Variants in BRWD3 observed in about 807,000 individuals in gnomAD.
BRWD3 encodes the protein bromodomain and WD repeat domain containing 3.
BRWD3 carries 10 observed loss-of-function variants against 149.7 expected under a neutral mutation model. That is an observed-to-expected ratio of 0.07 (90% CI 0.04 to 0.11). The LOEUF is 0.11. BRWD3 is among the 10% of genes least tolerant of loss of function. BRWD3 has a pLI of 1.00. For missense variants in BRWD3, 940 were observed against 1,373.2 expected, an observed-to-expected ratio of 0.68 and a Z score of 4.99; for synonymous variants, 504 against 456.7, an observed-to-expected ratio of 1.10 and a Z score of -1.32.
intron 6 of BRWD3, among the ~76,000 whole-genome samples, 161 bp downstream of exon 6, chrX:80,791,693 A>C (rs2074183829): frequency 8.9e-6 from 1 of 112,477 alleles, no homozygotes; most frequent in Admixed American, 9.5e-5. Context: ...TGCTTTAAGT[A>C]AAAATGTTTT....
At chrX:80,713,047 G>A (rs1348808809) in intron 20 of BRWD3, among the ~76,000 whole-genome samples, 2 of 108,559 alleles carry the variant, frequency 1.8e-5, no homozygotes, top group African/African-American at 6.8e-5. Flanking sequence ...CCGGCCAGCT[G>A]CCCCGTCTGG....
chrX:80,712,835 G>C (rs2073003598), intron 20 of BRWD3, among the ~76,000 whole-genome samples: 1 of 105,800 alleles, frequency 9.5e-6, no homozygotes, highest in East Asian at 3.1e-4. Context: ...TCTCTGCCCA[G>C]CCGCCCCGTC....
intron 8 of BRWD3, among the ~76,000 whole-genome samples, chrX:80,737,625 G>C (rs1034972443): frequency 9.0e-5 from 10 of 111,631 alleles, no homozygotes; most frequent in African/African-American, 3.3e-4. Context: ...ACCTGAGGTC[G>C]GGAGTTCGAA....
chrX:80,797,312 G>C (rs939059917), intron 4 of BRWD3, among the ~76,000 whole-genome samples: 3 of 111,438 alleles, frequency 2.7e-5, no homozygotes, highest in Admixed American at 1.9e-4. Context: ...ACATAGAGTA[G>C]TAGTTGACAT....
At chrX:80,767,093 A>T (rs749099024) in intron 6 of BRWD3, among the ~76,000 whole-genome samples, 37 of 112,483 alleles carry the variant, frequency 3.3e-4, no homozygotes, top group Non-Finnish European at 6.2e-4. Flanking sequence ...TTAAGTAGGT[A>T]AACAAAGCCA....
chrX:80,703,701 C>T, intron 23 of BRWD3, 108 bp from the exon 24 acceptor site: 1 of 552,375 alleles, frequency 1.8e-6, no homozygotes, highest in Non-Finnish European at 2.9e-6. Flanking sequence ...TTAAAAATTT[C>T]AGGTTACAAT....
chrX:80,739,498 A>T (rs961120522), intron 8 of BRWD3, among the ~76,000 whole-genome samples: 1 of 111,918 alleles, frequency 8.9e-6, no homozygotes, highest in African/African-American at 3.2e-5. Context: ...CCATGAGATG[A>T]CTAAGAGAAA....
chrX:80,765,644 C>A (rs753062041), intron 6 of BRWD3, among the ~76,000 whole-genome samples: 8 of 111,406 alleles, frequency 7.2e-5, no homozygotes, highest in Non-Finnish European at 1.1e-4. Flanking sequence ...AAAACAGTTT[C>A]TTTGCTTTCC....
chrX:80,761,186 G>C (rs759496902), intron 6 of BRWD3, among the ~76,000 whole-genome samples: 13 of 111,945 alleles, frequency 1.2e-4, no homozygotes, highest in Admixed American at 2.8e-4. Context: ...TTATACTAAC[G>C]ATACTTTATT....
At chrX:80,687,622 T>C (rs1231525813) in intron 34 of BRWD3, among the ~76,000 whole-genome samples, 2 of 111,004 alleles carry the variant, frequency 1.8e-5, no homozygotes, top group Non-Finnish European at 3.8e-5. Flanking sequence ...TCCTAAATTA[T>C]TAAGACAGTT....
chrX:80,781,254 G>T (rs1242281371), intron 6 of BRWD3, among the ~76,000 whole-genome samples: 1 of 111,473 alleles, frequency 9.0e-6, no homozygotes, highest in South Asian at 3.8e-4. Flanking sequence ...TTGCTGGCTC[G>T]AATGCCTGGG....
At chrX:80,706,042 T>G (rs1236393445) in intron 22 of BRWD3, among the ~76,000 whole-genome samples, 1 of 112,622 alleles carries the variant, frequency 8.9e-6, no homozygotes, top group East Asian at 2.8e-4. Context: ...TACTTTTTAG[T>G]GTTTTTTAAC....
chrX:80,731,083 C>T (rs2073323635), intron 12 of BRWD3, among the ~76,000 whole-genome samples: 1 of 111,295 alleles, frequency 9.0e-6, no homozygotes, highest in South Asian at 3.8e-4. Context: ...GCTTTTGATA[C>T]ATACTGCCAA....
rs2072777055 is a variant in BRWD3 at position 80,700,883 on chromosome X, A to C, written c.2836-819T>G. Among the ~76,000 whole-genome samples the C allele has an allele frequency of 2.7e-5, 3 of 111,483 alleles. No homozygotes were observed. The South Asian group carries it at 1.1e-3, about 42-fold the overall frequency. ...TTAAAGTATATAGGAGGATGTACAT[A>C]GGTTATATGCAAATACTATGCCTTT... On this transcript the variant is annotated intron_variant, in intron 24 of 40. Coordinates refer to ENST00000373275, the MANE Select transcript of BRWD3 (RefSeq NM_153252.5).
intron 17 of BRWD3, among the ~76,000 whole-genome samples, chrX:80,721,954 C>A (rs1331893661): frequency 8.9e-6 from 1 of 111,763 alleles, no homozygotes; most frequent in Non-Finnish European, 1.9e-5. Flanking sequence ...TCAAGCGGTT[C>A]TTGTGCCTCA....
At chrX:80,788,238 C>T (rs928159088) in intron 6 of BRWD3, among the ~76,000 whole-genome samples, 2 of 110,519 alleles carry the variant, frequency 1.8e-5, no homozygotes, top group African/African-American at 6.6e-5. Context: ...TTGAGACCAG[C>T]CTGGGCAACA....
intron 35 of BRWD3, 91 bp downstream of exon 35, chrX:80,686,772 G>A: frequency 1.1e-6 from 1 of 929,577 alleles, no homozygotes; most frequent in Admixed American, 2.3e-5. Flanking sequence ...AAGGAAAGGA[G>A]AGGTGAGAAA....
At chrX:80,687,100 G>A (rs1602305134) in intron 34 of BRWD3, 97 bp from the exon 35 acceptor site, 1 of 386,111 alleles carries the variant, frequency 2.6e-6, no homozygotes, top group Non-Finnish European at 4.2e-6. Context: ...CTGTATGTGT[G>A]TATATATATA....
chrX:80,786,134 A>T lies in BRWD3; in HGVS notation c.430+5720T>A, dbSNP rs73227335. Among the ~76,000 whole-genome samples the T allele has an allele frequency of 5.3e-3, 596 of 112,291 alleles. 1 individual carries two copies. The highest frequency in any genetic ancestry group is 9.6e-3 in the Non-Finnish European group (509 of 53,260). ...TGTTCCCATATTACTCTAGATCCAC[A>T]CTATCCAATATAGTGGCCACTAGCC... On this transcript the variant is annotated intron_variant, in intron 6 of 40. Transcript: ENST00000373275.
Sources: allele counts gnomAD v4.1 joint callset (sites outside exome capture counted in the v4.1 genomes callset), GRCh38; gene constraint gnomAD v4.1.1; transcripts MANE v1.5; gene names NCBI Gene and HGNC (gene_info 2026-07-23, HGNC 2026-07-21).